Variants in PROM1 observed in about 807,000 individuals in gnomAD.
The protein encoded by PROM1 is prominin-1.
Under a neutral mutation model 116.9 loss-of-function variants are expected in PROM1, and 105 were observed. That is an observed-to-expected ratio of 0.90 (90% CI 0.77 to 1.06). The LOEUF is 1.06. Among genes scored for constraint, PROM1 ranks in the 50% least tolerant of loss-of-function variants. The pLI is 0.00. For missense variants in PROM1, 1,122 were observed against 1,045.2 expected (o/e 1.07, Z -1.01); for synonymous variants, 393 against 387.0 (o/e 1.02, Z -0.18).
intron 13 of PROM1, among the ~76,000 whole-genome samples, 157 bp from the exon 14 acceptor site, chr4:16,000,776 G>A (rs561008536): frequency 6.6e-6 from 1 of 152,248 alleles, no homozygotes; most frequent in Non-Finnish European, 1.5e-5. Flanking sequence ...ACAGGGCTTG[G>A]GGACCTGGAG....
In PROM1 at chr4:15,989,837, T is replaced by C. The variant is rs1411570368; in HGVS notation, c.1984-13A>G. The stretch of plus-strand genomic sequence containing the variant: ...AATTTCCTGGGGGCTACAAAAAGAA[T>C]AAAAAACAAAGATCAATACCATCTT... On this transcript the variant is annotated splice_polypyrimidine_tract_variant and intron_variant, in intron 18 of 27. Coordinates refer to ENST00000447510, the MANE Select transcript of PROM1 (RefSeq NM_006017.3). The C allele has an allele frequency of 6.4e-7, 1 of 1,572,338 alleles. No individual in the cohort carries two copies. The highest frequency in any genetic ancestry group is 1.2e-5 in the South Asian group (1 of 86,926).
chr4:16,073,939 A>T (rs1743394134), intron 2 of PROM1, among the ~76,000 whole-genome samples: 1 of 152,236 alleles, frequency 6.6e-6, no homozygotes, highest in South Asian at 2.1e-4. Flanking sequence ...AAATAGAGCA[A>T]CATATGGAAA....
chr4:16,061,200 G>GCC (rs5856332), intron 2 of PROM1, among the ~76,000 whole-genome samples: 3 of 151,882 alleles, frequency 2.0e-5, no homozygotes, highest in Non-Finnish European at 4.4e-5. Flanking sequence ...GAAAAATGGA[G>GCC]CCCCCCACTG....
At position 16,076,093 on chromosome 4, in the gene PROM1, G is replaced by T. The variant is rs1022270423; in HGVS notation, c.-187C>A. 37 of 1,255,436 alleles carry T rather than the reference G, an allele frequency of 2.9e-5. No homozygotes were observed. The African/African-American group carries it at 5.0e-4, about 17-fold the overall frequency. The allele number at this position is 1,255,436 out of a possible 1,614,324, so 77.8% of individuals were successfully genotyped here. On this transcript the variant is annotated 5_prime_UTR_variant, in exon 2 of 28. Coordinates refer to ENST00000447510, the MANE Select transcript of PROM1 (RefSeq NM_006017.3). ...GGGATGCGGAAGAATGTTCTCCAAG[G>T]GGGTCATTCACTCAAGGCACCATCC...
intron 15 of PROM1, among the ~76,000 whole-genome samples, chr4:15,997,282 C>CAA (rs1560438922): frequency 7.3e-6 from 1 of 137,546 alleles, no homozygotes; most frequent in East Asian, 2.1e-4. Context: ...TTCGTTCATT[C>CAA]ATATATATAT....
chr4:16,033,185 G>A, intron 5 of PROM1, 119 bp downstream of exon 5: 1 of 848,770 alleles, frequency 1.2e-6, no homozygotes, highest in Non-Finnish European at 1.8e-6. Flanking sequence ...CTGTTTGGTG[G>A]GTTTTTTTTT....
chr4:16,069,279 T>C (rs963119104), intron 2 of PROM1, among the ~76,000 whole-genome samples: 4 of 152,168 alleles, frequency 2.6e-5, no homozygotes, highest in Admixed American at 2.0e-4. Flanking sequence ...GGGCAGAGAA[T>C]AATTTTAGAG....
rs199593231 is a variant in PROM1 at position 15,995,006 on chromosome 4, A to G, written c.1683-935T>C. Among the ~76,000 whole-genome samples, 6 of 152,324 alleles carry G rather than the reference A, an allele frequency of 3.9e-5. No homozygotes were observed. In the East Asian group the frequency reaches 7.7e-4, roughly 20 times the overall value. On this transcript the variant is annotated intron_variant, in intron 15 of 27. Transcript: ENST00000447510. ...CTGAGACACTTGGCTTTGTCCTCTC[A>G]GCCTAGGGGTGGTGAACGGGTTTAA...
At chr4:16,062,376 G>A (rs1345351174) in intron 2 of PROM1, among the ~76,000 whole-genome samples, 1 of 152,046 alleles carries the variant, frequency 6.6e-6, no homozygotes, top group Non-Finnish European at 1.5e-5. Flanking sequence ...CATAACATTG[G>A]GTTTGCTCCC....
In PROM1 at chr4:15,991,271, A is replaced by C; in HGVS notation, c.1934T>G (p.Val645Gly). 1 of 1,603,746 alleles carries C rather than the reference A, an allele frequency of 6.2e-7. No homozygotes were observed. The change falls in exon 18 of 28, where the codon GTG becomes GGG. Residue 645 changes from valine (V) to glycine (G), a missense_variant. Physicochemically the swap from Val to Gly is moderately radical, Grantham distance 109. Coordinates refer to ENST00000447510, the MANE Select transcript of PROM1 (RefSeq NM_006017.3). ...ATCATATGCAAATGATAAAAGATTC[A>C]CTCCTGCGGGGGATTTACCAGTCTA... ...LAQTGKSPAGVNLLSFAYDLE... is the reference protein window; with the variant it reads ...LAQTGKSPAGGNLLSFAYDLE...
At chr4:16,060,913 T>C (rs1184199408) in intron 2 of PROM1, among the ~76,000 whole-genome samples, 1 of 152,242 alleles carries the variant, frequency 6.6e-6, no homozygotes, top group Non-Finnish European at 1.5e-5. Flanking sequence ...TTTAACACTA[T>C]GTCTTCTCAT....
intron 9 of PROM1, among the ~76,000 whole-genome samples, chr4:16,017,407 C>T (rs1005586848): frequency 6.6e-6 from 1 of 152,104 alleles, no homozygotes; most frequent in South Asian, 2.1e-4. Flanking sequence ...AAAAACTGTT[C>T]AATCAAAAAT....
At chr4:15,979,859 T>C (rs761943066) in intron 25 of PROM1, 22 bp downstream of exon 25, 24 of 1,442,950 alleles carry the variant, frequency 1.7e-5, no homozygotes, top group Middle Eastern at 1.7e-4. Flanking sequence ...TCTAGGAATA[T>C]AGTTTTTTTA....
chr4:15,986,503 T>C (rs1330832890), intron 20 of PROM1, among the ~76,000 whole-genome samples: 1 of 151,664 alleles, frequency 6.6e-6, no homozygotes, highest in Non-Finnish European at 1.5e-5. Context: ...TTGGTGCAAA[T>C]TGGAAATGGG....
At chr4:15,969,519 G>A (rs1307368820) in intron 27 of PROM1, among the ~76,000 whole-genome samples, 151 bp from the exon 28 acceptor site, 1 of 152,174 alleles carries the variant, frequency 6.6e-6, no homozygotes, top group Non-Finnish European at 1.5e-5. Flanking sequence ...TATGTTTGTT[G>A]CAAAGCAATC....
intron 13 of PROM1, among the ~76,000 whole-genome samples, chr4:16,004,836 C>CTTTCTTTCTTTCT (rs1560460117): frequency 1.4e-4 from 8 of 57,532 alleles, no homozygotes; most frequent in African/African-American, 3.9e-4. Context: ...TCTTTTTCTT[C>CTTTCTTTCTTTCT]CTTCCTTCCT....
chr4:16,005,220 C>T (rs1725110284), intron 13 of PROM1, among the ~76,000 whole-genome samples: 1 of 152,080 alleles, frequency 6.6e-6, no homozygotes, highest in Non-Finnish European at 1.5e-5. Context: ...GTCTCGGCCT[C>T]CCAAAGTGTT....
At chr4:16,004,828 T>TTTCCTTTCTTTCTTTCTTTCTTTC (rs1560459874) in intron 13 of PROM1, among the ~76,000 whole-genome samples, 1 of 77,872 alleles carries the variant, frequency 1.3e-5, no homozygotes, top group African/African-American at 4.1e-5. Flanking sequence ...TCTTTCTTTC[T>TTTCCTTTCTTTCTTTCTTTCTTTC]TTTTCTTCCT....
In PROM1 at chr4:15,976,796, G is replaced by A. The variant is rs371064614; in HGVS notation, c.2582+2599C>T. Reference sequence around the variant, plus strand: ...CAGTGCATCTGCTTCTCAGGGAGCCGTGGAGTTGTGCCTTCTAGATTCCCT... The same window carrying A: ...CAGTGCATCTGCTTCTCAGGGAGCCATGGAGTTGTGCCTTCTAGATTCCCT... On this transcript the variant is annotated intron_variant, in intron 26 of 27. Transcript: ENST00000447510. Among the ~76,000 whole-genome samples the A allele has an allele frequency of 8.5e-5, 13 of 152,276 alleles. No individual in the cohort carries two copies. In the East Asian group the frequency reaches 1.9e-3, roughly 23 times the overall value.
Sources: gnomAD v4.1 joint callset for allele counts (sites outside exome capture counted in the v4.1 genomes callset) on GRCh38, gnomAD v4.1.1 for gene constraint, MANE v1.5 for transcripts, NCBI Gene and HGNC (gene_info 2026-07-23, HGNC 2026-07-21) for gene names.